EPHA2: variants seen among roughly 807,000 people sequenced by gnomAD.
The protein encoded by EPHA2 is ephrin type-A receptor 2.
In EPHA2, 54 loss-of-function variants were observed where a neutral mutation model predicts 104.9. That is an observed-to-expected ratio of 0.51 (90% confidence interval 0.41 to 0.65). The LOEUF (loss-of-function observed/expected upper bound fraction) is 0.65. Ranked by LOEUF, EPHA2 falls within the 30% of genes least tolerant of loss-of-function variation. EPHA2 has a pLI of 0.00. For missense variants in EPHA2, 1,117 were observed against 1,369.5 expected (o/e 0.82, Z 2.91); for synonymous variants, 560 against 559.1 (o/e 1.00, Z -0.02).
intron 3 of EPHA2, among the ~76,000 whole-genome samples, chr1:16,144,717 G>A (rs1353523932): frequency 6.6e-6 from 1 of 152,214 alleles, no homozygotes; most frequent in East Asian, 1.9e-4. Context: ...ATGGGGGTGG[G>A]ACCCCAAGGG....
At position 16,148,668 on chromosome 1, in the gene EPHA2, A is replaced by G; in HGVS notation, c.533T>C (p.Phe178Ser). ...ACCGATATCCTGGAAGGCCAGGTAG[A>G]AGCCTTTGCGGGTGAGCGGCCCCAC... is the stretch of plus-strand genomic sequence containing the variant. Reference protein sequence around the residue: ...RSVGPLTRKGFYLAFQDIGAC... With the variant: ...RSVGPLTRKGSYLAFQDIGAC... Residue 178 changes from phenylalanine to serine, a missense_variant, in exon 3 of 17, where the codon TTC becomes TCC. Transcript: ENST00000358432. The surrounding 1 kb of genome is among the most constrained non-coding windows in gnomAD (Gnocchi z 4.9). 1 of 1,610,508 alleles carries G rather than the reference A, an allele frequency of 6.2e-7. No homozygotes were observed. Among genetic ancestry groups the G allele is most frequent in the Non-Finnish European group, 8.5e-7 (1 of 1,180,022 alleles).
intron 1 of EPHA2, among the ~76,000 whole-genome samples, chr1:16,152,679 C>A (rs1035461074): frequency 2.6e-5 from 4 of 152,250 alleles, no homozygotes; most frequent in African/African-American, 7.2e-5. Flanking sequence ...GTCCTGCAGC[C>A]CCCCCTTAGA....
intron 3 of EPHA2, among the ~76,000 whole-genome samples, chr1:16,145,385 T>A (rs371887213): frequency 6.6e-5 from 10 of 152,298 alleles, no homozygotes; most frequent in African/African-American, 2.4e-4. Context: ...GGGAGGTGCC[T>A]CCCTTCCTCT....
At chr1:16,153,126 G>C in intron 1 of EPHA2, 1 of 871,916 alleles carries the variant, frequency 1.1e-6, no homozygotes, top group Non-Finnish European at 1.3e-6. Context: ...CCCATTTCTG[G>C]GGGGAAAAAA....
At chr1:16,126,159 C>T (rs908529658) in intron 16 of EPHA2, among the ~76,000 whole-genome samples, 1 of 152,150 alleles carries the variant, frequency 6.6e-6, no homozygotes, top group Non-Finnish European at 1.5e-5. Flanking sequence ...GAGCCCACAG[C>T]CCTGCTTTCC....
At position 16,138,146 on chromosome 1, in the gene EPHA2, A is replaced by G; in HGVS notation, c.1019T>C (p.Met340Thr). The change falls in exon 5 of 17, where the codon ATG becomes ACG. Residue 340 changes from methionine to threonine, a missense_variant. This residue lies in a region of EPHA2 where 664 missense variants were observed against 784.8 expected (regional missense o/e 0.85). Coordinates refer to ENST00000358432, the MANE Select transcript of EPHA2 (RefSeq NM_004431.5). ...SAPHYLTAVG[M>T]GAKVELRWTP... is the part of the protein sequence containing the mutation. ...CCAGCGCAGCTCCACCTTGGCACCC[A>G]TGCCCACGGCTGTGAGGTAGTGTGG... 6.2e-7 allele frequency: 1 copy of G among 1,609,096 alleles called. No homozygotes were observed. The highest frequency in any genetic ancestry group is 8.5e-7 in the Non-Finnish European group (1 of 1,179,898).
intron 1 of EPHA2, chr1:16,153,167 T>G (rs2025076099): frequency 3.0e-6 from 3 of 984,890 alleles, no homozygotes; most frequent in African/African-American, 3.5e-5. Context: ...TTCTTTGCCA[T>G]GAGTTCCACC....
At chr1:16,137,706 G>C (rs1001805212) in intron 5 of EPHA2, 147 bp downstream of exon 5, 2 of 913,954 alleles carry the variant, frequency 2.2e-6, no homozygotes, top group African/African-American at 3.3e-5. Context: ...GTGGCCCACG[G>C]GTTGGACAAG....
At chr1:16,144,191 C>T (rs74754043) in intron 3 of EPHA2, among the ~76,000 whole-genome samples, 3,904 of 152,254 alleles carry the variant, frequency 0.026, 162 homozygotes, top group African/African-American at 0.087. Context: ...GAGATGCCAG[C>T]GCCTAGCTTT....
At chr1:16,152,686 T>A (rs4661709) in intron 1 of EPHA2, among the ~76,000 whole-genome samples, 1 of 152,164 alleles carries the variant, frequency 6.6e-6, no homozygotes, top group African/African-American at 2.4e-5. Context: ...AGCCCCCCCT[T>A]AGATTGACAG....
intron 16 of EPHA2, among the ~76,000 whole-genome samples, chr1:16,127,649 G>A (rs1485778432): frequency 1.3e-5 from 2 of 152,174 alleles, no homozygotes; most frequent in Non-Finnish European, 1.5e-5. Context: ...GTTTTAAAAA[G>A]TCCTTTGAGA....
intron 1 of EPHA2, 56 bp downstream of exon 1, chr1:16,155,792 G>A (rs887360378): frequency 3.9e-6 from 5 of 1,293,032 alleles, no homozygotes; most frequent in Admixed American, 4.0e-5. Context: ...GGAGCGCCGG[G>A]CTCTAGGGGG....
chr1:16,136,769 A>G (rs992807216), intron 5 of EPHA2, among the ~76,000 whole-genome samples: 2 of 150,556 alleles, frequency 1.3e-5, no homozygotes, highest in Non-Finnish European at 3.0e-5. Flanking sequence ...AAGAAGAAGA[A>G]GAAGAACTAA....
chr1:16,129,406 AG>A (rs2024531757), intron 16 of EPHA2, 27 bp downstream of exon 16: 1 of 1,579,460 alleles, frequency 6.3e-7, no homozygotes. Context: ...GCGGGAGGCG[AG>A]GGGGGACGGA....
rs1014420905 is a variant in EPHA2 at position 16,148,200 on chromosome 1, GAGTT to G, written c.823+174_823+177del. Among the ~76,000 whole-genome samples, 19 of 152,316 alleles carry G rather than the reference GAGTT, an allele frequency of 1.2e-4. No homozygotes were observed. Among genetic ancestry groups the G allele is most frequent in the African/African-American group, 4.1e-4 (17 of 41,562 alleles). On this transcript the variant is annotated intron_variant, in intron 3 of 16. Coordinates refer to ENST00000358432, the MANE Select transcript of EPHA2 (RefSeq NM_004431.5). The surrounding 1 kb of genome is among the most constrained non-coding windows in gnomAD (Gnocchi z 4.9). ...CACAATTCATTCATTCTTAATGAAT[GAGTT>G]AGTCCAGCCTTAATAAGGAAACTGA...
chr1:16,140,485 G>A (rs1321040931), intron 3 of EPHA2, among the ~76,000 whole-genome samples: 3 of 152,168 alleles, frequency 2.0e-5, no homozygotes, highest in South Asian at 2.1e-4. Flanking sequence ...CACTATTAGC[G>A]CTGGTTCCAC....
rs552343843 is a variant in EPHA2 at position 16,131,408 on chromosome 1, C to T, written c.2475+313G>A. 5.9e-5 allele frequency among the ~76,000 whole-genome samples: 9 copies of T among 152,066 alleles called. No individual in the cohort carries two copies. The highest frequency in any genetic ancestry group is 3.4e-3 in the Middle Eastern group (1 of 294). On this transcript the variant is annotated intron_variant, in intron 14 of 16. Coordinates refer to ENST00000358432, the MANE Select transcript of EPHA2 (RefSeq NM_004431.5). The surrounding 1 kb of genome is among the most constrained non-coding windows in gnomAD (Gnocchi z 5.2). Reference sequence around the variant, plus strand: ...CAGCCTGGCCAACATAGTGAAACCCCGTCTCTACTAAAAATACAAAAATTA... The same window carrying T: ...CAGCCTGGCCAACATAGTGAAACCCTGTCTCTACTAAAAATACAAAAATTA...
intron 16 of EPHA2, among the ~76,000 whole-genome samples, chr1:16,126,115 G>T (rs61049973): frequency 0.018 from 2,680 of 152,236 alleles, 88 homozygotes; most frequent in African/African-American, 0.059. Flanking sequence ...GAGGGGGAAG[G>T]CAGCATCAGT....
chr1:16,149,237 T>C (rs1271902344), intron 2 of EPHA2, among the ~76,000 whole-genome samples, 190 bp from the exon 3 acceptor site: 2 of 152,098 alleles, frequency 1.3e-5, no homozygotes, highest in East Asian at 3.9e-4. Context: ...CCCCTGGTCT[T>C]TCTGGCACAT....
Sources: allele counts gnomAD v4.1 joint callset (sites outside exome capture counted in the v4.1 genomes callset), GRCh38; gene constraint gnomAD v4.1.1; regional missense constraint gnomAD v4.1.1; non-coding constraint Gnocchi (gnomAD v3.1); transcripts MANE v1.5; gene names NCBI Gene and HGNC (gene_info 2026-07-23, HGNC 2026-07-21).